OPCML: variants seen among roughly 807,000 people sequenced by gnomAD.
OPCML encodes opioid-binding protein/cell adhesion molecule.
A neutral mutation model predicts 37.8 loss-of-function variants in OPCML; 13 were observed. That is an observed-to-expected ratio of 0.34 (90% CI 0.22 to 0.55). The LOEUF (loss-of-function observed/expected upper bound fraction) is 0.55, where lower values mean the gene tolerates loss of function less well. OPCML is among the 20% of genes least tolerant of loss of function. The pLI is 0.91. For missense variants in OPCML, 341 were observed against 435.6 expected (o/e 0.78, Z 1.93); for synonymous variants, 176 against 168.8 (o/e 1.04, Z -0.33).
At chr11:133,493,334 T>C (rs1947707553) in intron 1 of OPCML, among the ~76,000 whole-genome samples, 1 of 152,168 alleles carries the variant, frequency 6.6e-6, no homozygotes, top group East Asian at 1.9e-4. Flanking sequence ...ATTACACAAA[T>C]GACATACAAC....
At chr11:132,913,873 C>T (rs985196389) in intron 2 of OPCML, among the ~76,000 whole-genome samples, 3 of 152,346 alleles carry the variant, frequency 2.0e-5, no homozygotes, top group Admixed American at 1.3e-4. Context: ...AGGTGGGCTA[C>T]ATAGCACTCT....
intron 1 of OPCML, among the ~76,000 whole-genome samples, chr11:133,345,746 T>C (rs1943985604): frequency 6.6e-6 from 1 of 152,222 alleles, no homozygotes; most frequent in African/African-American, 2.4e-5. Flanking sequence ...AGAGCTCTTC[T>C]GGTTCTTCTA....
chr11:132,504,958 G>A (rs2096253368), intron 4 of OPCML, among the ~76,000 whole-genome samples: 1 of 152,028 alleles, frequency 6.6e-6, no homozygotes, highest in Admixed American at 6.5e-5. Flanking sequence ...AACCAGAGGA[G>A]TCAATGAGTG....
chr11:132,781,145 T>C (rs1039542840), intron 2 of OPCML, among the ~76,000 whole-genome samples: 1 of 152,122 alleles, frequency 6.6e-6, no homozygotes, highest in African/African-American at 2.4e-5. Context: ...GTCAAGCTAA[T>C]GAGGCCACAG....
Position 132,965,855 on chromosome 11 carries a change from T to C in OPCML, c.62-22845A>G, listed in dbSNP as rs76582736. 7.0e-3 allele frequency among the ~76,000 whole-genome samples: 1,070 copies of C among 152,308 alleles called. 15 individuals are homozygous for C. The highest frequency in any genetic ancestry group is 0.025 in the African/African-American group (1,023 of 41,570). On this transcript the variant is annotated intron_variant, in intron 1 of 7. Transcript: ENST00000524381. Reference sequence around the variant, plus strand: ...CAGCACACAACTGTTGATAGTGTTTTATTATTATTCTTATTTCTGTAAGGT... The same window carrying C: ...CAGCACACAACTGTTGATAGTGTTTCATTATTATTCTTATTTCTGTAAGGT...
At chr11:132,593,309 G>A (rs549630120) in intron 3 of OPCML, among the ~76,000 whole-genome samples, 5 of 152,282 alleles carry the variant, frequency 3.3e-5, no homozygotes, top group Admixed American at 1.3e-4. Flanking sequence ...AGTGGAAGGC[G>A]AAGTGGTGGA....
chr11:133,398,230 C>G (rs558752179), intron 1 of OPCML, among the ~76,000 whole-genome samples: 3 of 152,216 alleles, frequency 2.0e-5, no homozygotes, highest in Non-Finnish European at 4.4e-5. Context: ...GTGATGTTTT[C>G]AAGCCTCGTC....
intron 2 of OPCML, among the ~76,000 whole-genome samples, chr11:132,716,068 T>C (rs1248869112): frequency 6.6e-6 from 1 of 152,138 alleles, no homozygotes; most frequent in Non-Finnish European, 1.5e-5. Flanking sequence ...TAACACCAAA[T>C]ACAATTTATC....
intron 1 of OPCML, among the ~76,000 whole-genome samples, chr11:132,944,108 C>T (rs1214412220): frequency 6.6e-6 from 1 of 151,928 alleles, no homozygotes; most frequent in African/African-American, 2.4e-5. Flanking sequence ...GCCCGCACCG[C>T]GCCCACTTCG....
intron 1 of OPCML, among the ~76,000 whole-genome samples, chr11:132,975,758 T>C (rs534587427): frequency 5.3e-5 from 8 of 151,974 alleles, no homozygotes; most frequent in Admixed American, 5.2e-4. Flanking sequence ...ATCTTCTAGA[T>C]AGTACCTTCT....
chr11:132,428,477 A>C (rs1280493297), intron 7 of OPCML, among the ~76,000 whole-genome samples: 2 of 152,238 alleles, frequency 1.3e-5, no homozygotes, highest in Admixed American at 6.5e-5. Flanking sequence ...ATGAGAGCCC[A>C]AAAGATGAGG....
chr11:132,659,629 T>TA (rs1941864564), intron 2 of OPCML, among the ~76,000 whole-genome samples: 1 of 152,196 alleles, frequency 6.6e-6, no homozygotes, highest in African/African-American at 2.4e-5. Context: ...AATTGTAAGC[T>TA]ACAATTGAAA....
At position 132,943,673 on chromosome 11, in the gene OPCML, AC is replaced by A. The variant is rs1412478839; in HGVS notation, c.62-664del. On this transcript the variant is annotated intron_variant, in intron 1 of 7. Coordinates refer to ENST00000524381, the MANE Select transcript of OPCML (RefSeq NM_001012393.5). This position sits in a 1 kb window ranked among gnomAD's most constrained non-coding sequence, Gnocchi z 4.3. ...GGCGGCAAAAAGTTCCAAGGCGGGG[AC>A]GCGCAGCCGGCGCAGCCAGGGTCGT... is the stretch of plus-strand genomic sequence containing the variant. The A allele has an allele frequency of 1.3e-5, 2 of 152,820 alleles. No homozygotes were observed. The highest frequency in any genetic ancestry group is 4.8e-5 in the African/African-American group (2 of 41,450). 9.5% of individuals were successfully genotyped at this position (152,820 alleles called of 1,614,324 possible). A position where few individuals can be genotyped will look rare whatever the true frequency, so the allele number is the denominator to read the frequency against.
At chr11:132,942,898 C>A (rs753736666) in intron 2 of OPCML, 28 bp downstream of exon 2, 1 of 1,613,106 alleles carries the variant, frequency 6.2e-7, no homozygotes, top group South Asian at 1.1e-5. Context: ...CCCAGGGGCT[C>A]GGCCCCCGCG....
intron 1 of OPCML, among the ~76,000 whole-genome samples, chr11:133,523,607 AAC>A (rs1336141556): frequency 8.5e-5 from 13 of 152,214 alleles, no homozygotes; most frequent in African/African-American, 3.1e-4. Context: ...GAATCACATC[AAC>A]AGAGTTCCAT....
At chr11:132,847,149 C>T (rs1328048419) in intron 2 of OPCML, among the ~76,000 whole-genome samples, 2 of 152,100 alleles carry the variant, frequency 1.3e-5, no homozygotes, top group Non-Finnish European at 2.9e-5. Flanking sequence ...ATCATCGACC[C>T]GTGACAACTG....
intron 3 of OPCML, among the ~76,000 whole-genome samples, chr11:132,598,616 T>G (rs760623562): frequency 1.2e-4 from 19 of 152,066 alleles, no homozygotes; most frequent in South Asian, 2.1e-4. Context: ...TACATAATGT[T>G]TGGTGTGTCA....
At chr11:133,348,552 A>G (rs1944053972) in intron 1 of OPCML, among the ~76,000 whole-genome samples, 1 of 152,170 alleles carries the variant, frequency 6.6e-6, no homozygotes, top group Admixed American at 6.5e-5. Context: ...TGCTGAGAGA[A>G]GCCACTCACA....
rs367674350 is a variant in OPCML at position 132,865,920 on chromosome 11, G to A, written c.146+77006C>T. On this transcript the variant is annotated intron_variant, in intron 2 of 7. Transcript: ENST00000524381. ...CACTTCCTGAGAGAGGCAATTCCAC[G>A]ATCTAATAATGGCTATTGCCAGGAA... Among the ~76,000 whole-genome samples the A allele has an allele frequency of 7.2e-5, 11 of 152,078 alleles. No individual in the cohort carries two copies. The East Asian group carries it at 1.9e-3, about 27-fold the overall frequency.
Sources: gnomAD v4.1 joint callset for allele counts (sites outside exome capture counted in the v4.1 genomes callset) on GRCh38, gnomAD v4.1.1 for gene constraint, Gnocchi (gnomAD v3.1) non-coding constraint, MANE v1.5 for transcripts, NCBI Gene and HGNC (gene_info 2026-07-23, HGNC 2026-07-21) for gene names.